Variants in SNX16 observed in about 807,000 individuals in gnomAD.
SNX16 encodes sorting nexin 16.
Under a neutral mutation model 36.7 loss-of-function variants are expected in SNX16, and 35 were observed. The ratio of observed to expected loss-of-function variants is 0.95; its 90% confidence interval spans 0.73 to 1.27. The LOEUF is 1.27. Ranked by LOEUF, SNX16 falls within the 50% of genes most tolerant of loss-of-function variation. The probability of loss-of-function intolerance (pLI) is 0.00; values close to 1 mark genes in which losing one functional copy is unlikely to be tolerated. For missense variants in SNX16, 367 were observed against 393.6 expected (o/e 0.93, Z 0.57); for synonymous variants, 134 against 132.0 (o/e 1.02, Z -0.10).
chr8:81,810,637 T>C lies in SNX16; in HGVS notation c.681+4688A>G, dbSNP rs565581093. Among the ~76,000 whole-genome samples the C allele has an allele frequency of 2.0e-5, 3 of 152,304 alleles. No homozygotes were observed. In the South Asian group the frequency reaches 6.2e-4, roughly 32 times the overall value. ...ATACATTCCATATTACTCTGTTGAG[T>C]GTATAAACTTAATATTGCCTTGGTG... is the stretch of plus-strand genomic sequence containing the variant. On this transcript the variant is annotated intron_variant, in intron 5 of 7. Transcript: ENST00000345957.
chr8:81,816,360 T>C (rs1810492298), intron 4 of SNX16, among the ~76,000 whole-genome samples: 1 of 151,806 alleles, frequency 6.6e-6, no homozygotes, highest in African/African-American at 2.4e-5. Flanking sequence ...CAGCTAATTT[T>C]TGTATTTTTA....
intron 2 of SNX16, among the ~76,000 whole-genome samples, chr8:81,833,165 CCTATTT>C (rs2130752106): frequency 1.4e-5 from 2 of 142,854 alleles, no homozygotes; most frequent in African/African-American, 5.0e-5. Context: ...AATAATTTCA[CCTATTT>C]CTTTTTTTTT....
rs1056923904 is a variant in SNX16 at position 81,840,738 on chromosome 8, A to G, written c.-96-656T>C. Among the ~76,000 whole-genome samples the G allele has an allele frequency of 2.0e-5, 3 of 152,240 alleles. 1 individual carries two copies. Among genetic ancestry groups the G allele is most frequent in the Admixed American group, 1.3e-4 (2 of 15,288 alleles). ...AGTGAAAATTGTAACCGTTCTTCAC[A>G]GCTTACAGGTCATCACTAATTCTGC... On this transcript the variant is annotated intron_variant, in intron 1 of 7. Transcript: ENST00000345957.
rs188764513 is a variant in SNX16 at position 81,808,689 on chromosome 8, G to A, written c.682-5461C>T. 2.6e-3 allele frequency: 2,699 copies of A among 1,022,622 alleles called. 44 individuals carry two copies. In the African/African-American group the frequency reaches 0.035, roughly 13 times the overall value. 63.3% of individuals were successfully genotyped at this position (1,022,622 alleles called of 1,614,324 possible). A position where few individuals can be genotyped will look rare whatever the true frequency, so the allele number is the denominator to read the frequency against. On this transcript the variant is annotated intron_variant, in intron 5 of 7. Transcript: ENST00000345957. Reference sequence around the variant, plus strand: ...ACCACGAAACCAAGGTGGCTATGGCGGTTCCAGGAGCAGCCGTAGCTATGG... The same window carrying A: ...ACCACGAAACCAAGGTGGCTATGGCAGTTCCAGGAGCAGCCGTAGCTATGG...
In SNX16 at chr8:81,801,254, A is replaced by C; in HGVS notation, c.*243T>G. ...GTATTTAAGAATGTGGGCCTTGATA[A>C]CAGAATTCCAACAAGATTTTTTTTA... On this transcript the variant is annotated 3_prime_UTR_variant, in exon 8 of 8. Transcript: ENST00000345957. The C allele has an allele frequency of 3.0e-6, 1 of 329,266 alleles. No homozygotes were observed. Among genetic ancestry groups the C allele is most frequent in the Non-Finnish European group, 5.5e-6 (1 of 182,098 alleles). 20.4% of individuals were successfully genotyped at this position (329,266 alleles called of 1,614,324 possible).
intron 2 of SNX16, among the ~76,000 whole-genome samples, chr8:81,835,413 A>G (rs963474176): frequency 1.3e-5 from 2 of 152,214 alleles, no homozygotes; most frequent in African/African-American, 4.8e-5. Context: ...AAATTTCTAC[A>G]GCCAGCTTGA....
chr8:81,829,384 A>C, intron 3 of SNX16, 46 bp downstream of exon 3: 5 of 851,216 alleles, frequency 5.9e-6, no homozygotes, highest in Non-Finnish European at 8.5e-6. Flanking sequence ...GAAACAGAAA[A>C]GAATTCAAAA....
At chr8:81,806,976 G>A (rs1274737244) in intron 5 of SNX16, among the ~76,000 whole-genome samples, 1 of 151,390 alleles carries the variant, frequency 6.6e-6, no homozygotes, top group Non-Finnish European at 1.5e-5. Flanking sequence ...CATATGCAAA[G>A]ATCTATTAAT....
chr8:81,829,271 T>C (rs544473194), intron 3 of SNX16, among the ~76,000 whole-genome samples, 159 bp downstream of exon 3: 2 of 151,580 alleles, frequency 1.3e-5, no homozygotes, highest in East Asian at 1.9e-4. Context: ...CACATTTTTA[T>C]GCTAAAAATT....
intron 4 of SNX16, among the ~76,000 whole-genome samples, chr8:81,822,964 A>ATATG (rs1554546267): frequency 9.4e-4 from 120 of 127,248 alleles, no homozygotes; most frequent in Middle Eastern, 3.8e-3. Flanking sequence ...ATATATATAT[A>ATATG]TATATATATA....
intron 1 of SNX16, among the ~76,000 whole-genome samples, chr8:81,840,976 T>C (rs959672154): frequency 1.3e-5 from 2 of 152,192 alleles, no homozygotes; most frequent in Non-Finnish European, 2.9e-5. Flanking sequence ...GCCCAACTTT[T>C]CATACGAAAC....
rs1811673661 is a variant in SNX16, at chr8:81,840,050, C to T, written c.-64G>A. On this transcript the variant is annotated 5_prime_UTR_variant, in exon 2 of 8. Coordinates refer to ENST00000345957, the MANE Select transcript of SNX16 (RefSeq NM_152836.3). ...GTCCACTTAGAGAACAACTAATATGCAATCCATTATTTTCTTCTTAGGAAT... is the reference window on the plus strand; with the variant it reads ...GTCCACTTAGAGAACAACTAATATGTAATCCATTATTTTCTTCTTAGGAAT... The T allele has an allele frequency of 5.3e-6, 8 of 1,495,668 alleles. No individual in the cohort carries two copies. The South Asian group carries it at 9.7e-5, about 18-fold the overall frequency. 92.6% of individuals were successfully genotyped at this position (1,495,668 alleles called of 1,614,324 possible).
intron 2 of SNX16, 88 bp from the exon 3 acceptor site, chr8:81,829,604 CT>C (rs1378006553): frequency 2.1e-6 from 1 of 470,048 alleles, no homozygotes; most frequent in Non-Finnish European, 3.5e-6. Flanking sequence ...AAAAATTTTA[CT>C]TGATAACCCA....
chr8:81,819,730 TTTA>T (rs1240743618), intron 4 of SNX16, among the ~76,000 whole-genome samples: 5 of 152,170 alleles, frequency 3.3e-5, no homozygotes, highest in Admixed American at 2.0e-4. Context: ...AATAAATCTG[TTTA>T]TTATGTAAAT....
chr8:81,818,872 T>C (rs1810608741), intron 4 of SNX16, among the ~76,000 whole-genome samples: 1 of 152,112 alleles, frequency 6.6e-6, no homozygotes, highest in East Asian at 1.9e-4. Flanking sequence ...CTCTTAAATA[T>C]ACATGATCAA....
At chr8:81,814,458 T>C (rs1200629905) in intron 5 of SNX16, among the ~76,000 whole-genome samples, 2 of 152,014 alleles carry the variant, frequency 1.3e-5, no homozygotes, top group Non-Finnish European at 1.5e-5. Flanking sequence ...AGCAGATCAG[T>C]GGTTGCCTTG....
At chr8:81,838,076 A>G (rs1376555934) in intron 2 of SNX16, among the ~76,000 whole-genome samples, 3 of 152,228 alleles carry the variant, frequency 2.0e-5, no homozygotes, top group Middle Eastern at 3.2e-3. Context: ...ATATGTAAAC[A>G]TAAAAGGACA....
chr8:81,828,209 A>G (rs987745943), intron 3 of SNX16, among the ~76,000 whole-genome samples: 2 of 152,206 alleles, frequency 1.3e-5, no homozygotes, highest in Admixed American at 6.5e-5. Context: ...TCCCATGTTT[A>G]TGACTACTTA....
intron 5 of SNX16, among the ~76,000 whole-genome samples, chr8:81,810,696 G>A (rs1207107411): frequency 6.6e-6 from 1 of 152,128 alleles, no homozygotes; most frequent in East Asian, 1.9e-4. Context: ...CATCAGGAGC[G>A]ATTTTAAACT....
Sources: allele counts gnomAD v4.1 joint callset (sites outside exome capture counted in the v4.1 genomes callset), GRCh38; gene constraint gnomAD v4.1.1; transcripts MANE v1.5; gene names NCBI Gene and HGNC (gene_info 2026-07-23, HGNC 2026-07-21).